CNPY1: variants seen among roughly 807,000 people sequenced by gnomAD.
CNPY1 encodes canopy FGF signaling regulator 1, also known as protein canopy homolog 1.
CNPY1 carries 14 observed loss-of-function variants against 14.4 expected under a neutral mutation model. The observed-to-expected ratio is 0.97, with a 90% CI of 0.64 to 1.52. The LOEUF is 1.52. Among genes scored for constraint, CNPY1 ranks in the 40% most tolerant of loss-of-function variants. CNPY1 has a pLI of 0.00. For missense variants in CNPY1, 129 were observed against 131.5 expected, an observed-to-expected ratio of 0.98 and a Z score of 0.09; for synonymous variants, 43 against 46.5, an observed-to-expected ratio of 0.92 and a Z score of 0.31.
intron 2 of CNPY1, among the ~76,000 whole-genome samples, chr7:155,523,284 T>C (rs773630132): frequency 1.6e-4 from 25 of 152,352 alleles, no homozygotes; most frequent in Non-Finnish European, 2.4e-4. Context: ...AACAGTCTCA[T>C]GTACCGGAAA....
chr7:155,533,041 T>A (rs1332152319), intron 2 of CNPY1, among the ~76,000 whole-genome samples: 1 of 152,196 alleles, frequency 6.6e-6, no homozygotes, highest in African/African-American at 2.4e-5. Context: ...CGATACCCAC[T>A]CAACGTCCTT....
intron 4 of CNPY1, among the ~76,000 whole-genome samples, chr7:155,505,599 C>G (rs886157836): frequency 2.6e-5 from 4 of 152,216 alleles, no homozygotes; most frequent in Non-Finnish European, 5.9e-5. Flanking sequence ...GGAACCCTCT[C>G]TAGTCCTCCT....
intron 2 of CNPY1, among the ~76,000 whole-genome samples, chr7:155,521,182 C>T (rs938005505): frequency 3.3e-5 from 5 of 152,162 alleles, no homozygotes; most frequent in Admixed American, 1.3e-4. Context: ...CAAGAATCCT[C>T]GGCTGTGGGT....
chr7:155,532,319 T>C (rs1796950517), intron 2 of CNPY1, among the ~76,000 whole-genome samples: 3 of 152,130 alleles, frequency 2.0e-5, no homozygotes. Flanking sequence ...TCTCCAGCTC[T>C]TTAGAAGGAG....
chr7:155,532,749 A>G (rs1796962794), intron 2 of CNPY1, among the ~76,000 whole-genome samples: 1 of 152,154 alleles, frequency 6.6e-6, no homozygotes, highest in South Asian at 2.1e-4. Context: ...GAATTTTAAA[A>G]TCCCATAATA....
In CNPY1 at chr7:155,506,834, G is replaced by A. The variant is rs1796329615; in HGVS notation, c.400+186C>T. 1.1e-5 allele frequency: 7 copies of A among 616,084 alleles called. No individual in the cohort carries two copies. The South Asian group carries it at 1.3e-4, about 11-fold the overall frequency. The allele number at this position is 616,084 out of a possible 1,614,324, so 38.2% of individuals were successfully genotyped here. The stretch of plus-strand genomic sequence containing the variant: ...ACAAAGAGGAAGGCCACACAGCCCT[G>A]TGGTTTCTGTTTATCTGTTTTCTCT... On this transcript the variant is annotated intron_variant, in intron 4 of 4. Transcript: ENST00000636446.
chr7:155,515,164 G>A (rs929416647), intron 2 of CNPY1, among the ~76,000 whole-genome samples: 4 of 152,090 alleles, frequency 2.6e-5, no homozygotes, highest in Admixed American at 6.5e-5. Flanking sequence ...GGCAGAGACC[G>A]CTGCAAGCAG....
intron 2 of CNPY1, among the ~76,000 whole-genome samples, chr7:155,543,129 T>C (rs538134701): frequency 1.1e-4 from 17 of 152,284 alleles, no homozygotes; most frequent in African/African-American, 3.6e-4. Flanking sequence ...CCTGTGTTTC[T>C]TTCCAGCCTG....
At chr7:155,540,631 G>A (rs183520180) in intron 2 of CNPY1, among the ~76,000 whole-genome samples, 138 of 152,332 alleles carry the variant, frequency 9.1e-4, no homozygotes, top group African/African-American at 3.0e-3. Context: ...ACACTCAGCC[G>A]AGGCAGAGGA....
chr7:155,503,644 G>C (rs540856638), intron 4 of CNPY1, among the ~76,000 whole-genome samples: 19 of 152,278 alleles, frequency 1.2e-4, no homozygotes, highest in Middle Eastern at 3.4e-3. Flanking sequence ...CATTAGTTTT[G>C]AGAAGTCTAC....
chr7:155,535,642 C>A (rs1797015129), intron 2 of CNPY1, among the ~76,000 whole-genome samples: 1 of 152,198 alleles, frequency 6.6e-6, no homozygotes, highest in African/African-American at 2.4e-5. Context: ...CACACGAGGC[C>A]TGATTTAATC....
chr7:155,542,130 C>G (rs1797091698), intron 2 of CNPY1, among the ~76,000 whole-genome samples: 1 of 152,160 alleles, frequency 6.6e-6, no homozygotes, highest in African/African-American at 2.4e-5. Flanking sequence ...ATTCACAACC[C>G]CTGCTGTAGG....
At chr7:155,540,866 C>T (rs545731335) in intron 2 of CNPY1, among the ~76,000 whole-genome samples, 2 of 152,342 alleles carry the variant, frequency 1.3e-5, no homozygotes, top group East Asian at 3.9e-4. Context: ...GGAGGCCAGC[C>T]TTTCATCACT....
Position 155,546,432 on chromosome 7 carries a change from G to C in CNPY1, c.-18C>G. The C allele has an allele frequency of 2.5e-6, 1 of 397,926 alleles. No homozygotes were observed. The highest frequency in any genetic ancestry group is 4.4e-6 in the Non-Finnish European group (1 of 225,986). The allele number at this position is 397,926 out of a possible 1,614,324, so 24.6% of individuals were successfully genotyped here. Reference sequence around the variant, plus strand: ...TGAACTCAAGCCATCCTCCTACCTTGGCCTCCTGAATTGCTGGGATTACAA... The same window carrying C: ...TGAACTCAAGCCATCCTCCTACCTTCGCCTCCTGAATTGCTGGGATTACAA... On this transcript the variant is annotated 5_prime_UTR_variant, in exon 1 of 5. Transcript: ENST00000636446.
chr7:155,537,161 G>A (rs117236625), intron 2 of CNPY1, among the ~76,000 whole-genome samples: 2,511 of 152,212 alleles, frequency 0.016, 32 homozygotes, highest in Non-Finnish European at 0.021. Context: ...TGAGACCCAC[G>A]TGTCTCAGAA....
intron 2 of CNPY1, among the ~76,000 whole-genome samples, chr7:155,529,483 T>G (rs1456607026): frequency 1.3e-5 from 2 of 152,176 alleles, no homozygotes. Context: ...AGGGCCGTGA[T>G]CTCTCTGCAG....
intron 2 of CNPY1, among the ~76,000 whole-genome samples, chr7:155,543,448 G>T (rs577187553): frequency 2.0e-5 from 3 of 152,210 alleles, no homozygotes; most frequent in Admixed American, 2.0e-4. Flanking sequence ...CCCTACTTCC[G>T]AATTTGGCCA....
Position 155,526,494 on chromosome 7 carries a change from G to A in CNPY1, c.100-17397C>T, listed in dbSNP as rs982474841. On this transcript the variant is annotated intron_variant, in intron 2 of 4. Transcript: ENST00000636446. ...CAGCCAGAGGAGGCATGCATCAGGC[G>A]GGACAGGGAGAGTTACTATCCCCAC... Among the ~76,000 whole-genome samples, 15 of 152,226 alleles carry A rather than the reference G, an allele frequency of 9.9e-5. No individual in the cohort carries two copies. In the South Asian group the frequency reaches 1.7e-3, roughly 17 times the overall value.
intron 2 of CNPY1, among the ~76,000 whole-genome samples, chr7:155,532,514 G>C (rs987766738): frequency 4.6e-5 from 7 of 152,074 alleles, no homozygotes; most frequent in Non-Finnish European, 1.0e-4. Flanking sequence ...CCAGCTACTC[G>C]GGAGGCTGAG....
Sources: gnomAD v4.1 joint callset for allele counts (sites outside exome capture counted in the v4.1 genomes callset) on GRCh38, gnomAD v4.1.1 for gene constraint, MANE v1.5 for transcripts, NCBI Gene and HGNC (gene_info 2026-07-23, HGNC 2026-07-21) for gene names.